Variants in CTNNA3 observed in about 807,000 individuals in gnomAD.
The protein encoded by CTNNA3 is catenin alpha-3.
CTNNA3 carries 76 observed loss-of-function variants against 95.7 expected under a neutral mutation model. The observed-to-expected ratio is 0.79, with a 90% CI of 0.66 to 0.96. The LOEUF (loss-of-function observed/expected upper bound fraction) is 0.96. Ranked by LOEUF, CTNNA3 falls within the 40% of genes least tolerant of loss-of-function variation. CTNNA3 has a pLI of 0.00. For missense variants in CTNNA3, 1,191 were observed against 1,089.8 expected (o/e 1.09, Z -1.31); for synonymous variants, 431 against 374.4 (o/e 1.15, Z -1.74).
At chr10:66,338,490 T>C (rs960644144) in intron 12 of CTNNA3, among the ~76,000 whole-genome samples, 1 of 151,984 alleles carries the variant, frequency 6.6e-6, no homozygotes, top group Admixed American at 6.6e-5. Context: ...AAGATCTCTT[T>C]TTAACAGTTA....
intron 7 of CTNNA3, among the ~76,000 whole-genome samples, chr10:66,878,590 G>A (rs1025528350): frequency 6.6e-6 from 1 of 152,024 alleles, no homozygotes; most frequent in African/African-American, 2.4e-5. Context: ...GCTGCCCTCT[G>A]CCTGTCCATA....
intron 5 of CTNNA3, among the ~76,000 whole-genome samples, chr10:67,384,349 C>T (rs1453297418): frequency 6.6e-6 from 1 of 152,068 alleles, no homozygotes; most frequent in East Asian, 1.9e-4. Flanking sequence ...ATATGATATC[C>T]TTGGAATTAA....
chr10:67,357,720 T>C (rs926608349), intron 5 of CTNNA3, among the ~76,000 whole-genome samples: 1 of 151,958 alleles, frequency 6.6e-6, no homozygotes, highest in African/African-American at 2.4e-5. Context: ...AAAGTTCTTA[T>C]AAATAGTAAG....
At chr10:66,302,680 G>T (rs578244013) in intron 12 of CTNNA3, among the ~76,000 whole-genome samples, 1 of 152,140 alleles carries the variant, frequency 6.6e-6, no homozygotes, top group South Asian at 2.1e-4. Flanking sequence ...AGGGAAACTG[G>T]TAGAAAGGTA....
At chr10:66,867,433 G>A (rs9988762) in intron 7 of CTNNA3, among the ~76,000 whole-genome samples, 11,560 of 151,912 alleles carry the variant, frequency 0.076, 1,238 homozygotes, top group African/African-American at 0.24. Flanking sequence ...CCTCACATTT[G>A]CAAATGGGAA....
chr10:67,373,904 T>C lies in CTNNA3; in HGVS notation c.579+147938A>G, dbSNP rs187337687. ...TTTTTCTGATCTGTTTATATATCTG[T>C]CTCTCCCCTGAAAACAACATGCTAT... On this transcript the variant is annotated intron_variant, in intron 5 of 17. Coordinates refer to ENST00000433211, the MANE Select transcript of CTNNA3 (RefSeq NM_013266.4). 3.3e-5 allele frequency among the ~76,000 whole-genome samples: 5 copies of C among 152,310 alleles called. No individual in the cohort carries two copies. In the East Asian group the frequency reaches 5.8e-4, roughly 18 times the overall value.
chr10:67,209,086 G>C (rs1265288519), intron 6 of CTNNA3, among the ~76,000 whole-genome samples: 1 of 152,050 alleles, frequency 6.6e-6, no homozygotes, highest in African/African-American at 2.4e-5. Context: ...GTCTCACTCT[G>C]TCACCAGGCT....
At chr10:67,253,813 C>G (rs1866215134) in intron 5 of CTNNA3, among the ~76,000 whole-genome samples, 1 of 152,130 alleles carries the variant, frequency 6.6e-6, no homozygotes, top group Non-Finnish European at 1.5e-5. Flanking sequence ...AGGCCAAATT[C>G]TGGGTTTTAT....
At chr10:67,687,355 G>A (rs1840753172) in intron 1 of CTNNA3, among the ~76,000 whole-genome samples, 1 of 152,190 alleles carries the variant, frequency 6.6e-6, no homozygotes, top group Non-Finnish European at 1.5e-5. Context: ...CCTCCGCATA[G>A]TGGACATGGG....
chr10:67,596,537 T>A (rs1158820615), intron 3 of CTNNA3, among the ~76,000 whole-genome samples: 1 of 152,238 alleles, frequency 6.6e-6, no homozygotes, highest in Non-Finnish European at 1.5e-5. Flanking sequence ...TTTGACTGAA[T>A]ATGAACTTCC....
At chr10:66,975,533 G>C (rs1025786300) in intron 7 of CTNNA3, among the ~76,000 whole-genome samples, 5 of 152,162 alleles carry the variant, frequency 3.3e-5, no homozygotes, top group African/African-American at 1.2e-4. Flanking sequence ...TTGCAAATCA[G>C]ATCAAGAATT....
chr10:67,539,417 A>G (rs1840591157), intron 4 of CTNNA3, 86 bp downstream of exon 4: 1 of 1,429,006 alleles, frequency 7.0e-7, no homozygotes, highest in African/African-American at 1.4e-5. Context: ...AGTGAAGCCA[A>G]GATGCACTAG....
intron 9 of CTNNA3, among the ~76,000 whole-genome samples, chr10:66,732,724 T>C (rs1178137107): frequency 1.3e-5 from 2 of 151,972 alleles, no homozygotes; most frequent in South Asian, 4.1e-4. Flanking sequence ...ATGGGGATTA[T>C]GGAAAATACA....
intron 13 of CTNNA3, among the ~76,000 whole-genome samples, chr10:66,195,005 G>T (rs1448984577): frequency 1.3e-5 from 2 of 152,112 alleles, no homozygotes. Context: ...CTCACTTCAT[G>T]CTGTATCTGC....
intron 5 of CTNNA3, among the ~76,000 whole-genome samples, chr10:67,311,096 T>G (rs1040884461): frequency 1.3e-5 from 2 of 152,310 alleles, no homozygotes; most frequent in Non-Finnish European, 1.5e-5. Context: ...CTGTACCTTC[T>G]GCGCCTTAAA....
At chr10:67,508,178 A>G (rs1043250126) in intron 5 of CTNNA3, among the ~76,000 whole-genome samples, 2 of 151,996 alleles carry the variant, frequency 1.3e-5, no homozygotes, top group Admixed American at 6.6e-5. Flanking sequence ...CACACCTGCT[A>G]ATTTTTGTAT....
chr10:66,117,069 T>C (rs2082372647), intron 13 of CTNNA3, among the ~76,000 whole-genome samples: 2 of 152,060 alleles, frequency 1.3e-5, no homozygotes, highest in African/African-American at 2.4e-5. Flanking sequence ...AGTCAATCTG[T>C]AGTGGCAGAA....
intron 1 of CTNNA3, among the ~76,000 whole-genome samples, chr10:67,701,837 G>A (rs1436771655): frequency 6.6e-6 from 1 of 151,966 alleles, no homozygotes; most frequent in Non-Finnish European, 1.5e-5. Context: ...TGGCAAATTG[G>A]ATAAAGAGTC....
intron 7 of CTNNA3, among the ~76,000 whole-genome samples, chr10:66,787,365 A>G (rs1329627230): frequency 6.6e-6 from 1 of 152,116 alleles, no homozygotes; most frequent in African/African-American, 2.4e-5. Context: ...AGAAAATATT[A>G]TTAGAGTAAT....
Sources: gnomAD v4.1 joint callset for allele counts (sites outside exome capture counted in the v4.1 genomes callset) on GRCh38, gnomAD v4.1.1 for gene constraint, MANE v1.5 for transcripts, NCBI Gene and HGNC (gene_info 2026-07-23, HGNC 2026-07-21) for gene names.